The following PTN variants were observed in gnomAD, a reference collection of about 807,000 sequenced individuals.
The protein encoded by PTN is heparin affin regulatory protein.
Under a neutral mutation model 24.1 loss-of-function variants are expected in PTN, and 18 were observed. The observed-to-expected ratio is 0.75, with a 90% CI of 0.52 to 1.11. The LOEUF (loss-of-function observed/expected upper bound fraction) is 1.11, where lower values mean the gene tolerates loss of function less well. Among genes scored for constraint, PTN ranks in the 50% least tolerant of loss-of-function variants. The pLI is 0.00. For missense variants in PTN, 163 were observed against 198.8 expected (o/e 0.82, Z 1.08); for synonymous variants, 78 against 68.6 (o/e 1.14, Z -0.67).
chr7:137,297,276 T>C (rs1191730753), intron 1 of PTN, among the ~76,000 whole-genome samples: 2 of 152,140 alleles, frequency 1.3e-5, no homozygotes, highest in South Asian at 2.1e-4. Flanking sequence ...TAAAGGGGCA[T>C]AGGCCATTGC....
chr7:137,338,873 A>C (rs1810489872), intron 1 of PTN, among the ~76,000 whole-genome samples: 1 of 152,140 alleles, frequency 6.6e-6, no homozygotes, highest in Non-Finnish European at 1.5e-5. Context: ...CATTAGAGAG[A>C]ATCTTCCTTC....
intron 3 of PTN, 95 bp downstream of exon 3, chr7:137,253,369 T>G (rs1237992475): frequency 7.6e-7 from 1 of 1,307,314 alleles, no homozygotes; most frequent in Non-Finnish European, 1.0e-6. Context: ...TAAAGTTATT[T>G]AAAATAAAAA....
rs763594002 is a variant in PTN, at chr7:137,280,470, C to T, written c.-1-25496G>A. On this transcript the variant is annotated intron_variant, in intron 1 of 4. Coordinates refer to ENST00000348225, the MANE Select transcript of PTN (RefSeq NM_002825.7). Reference sequence around the variant, plus strand: ...AAGGACTGAAGAAGTAAGCAAGAGGCGAGAATTCTAGTTATATAAGTGAAT... The same window carrying T: ...AAGGACTGAAGAAGTAAGCAAGAGGTGAGAATTCTAGTTATATAAGTGAAT... Among the ~76,000 whole-genome samples, 52 of 151,170 alleles carry T rather than the reference C, an allele frequency of 3.4e-4. 1 individual carries two copies. The highest frequency in any genetic ancestry group is 2.2e-4 in the Non-Finnish European group (15 of 67,892).
At chr7:137,234,655 T>A (rs1433017873) in intron 4 of PTN, among the ~76,000 whole-genome samples, 1 of 152,044 alleles carries the variant, frequency 6.6e-6, no homozygotes, top group Non-Finnish European at 1.5e-5. Flanking sequence ...AAGACATCTG[T>A]TTAAAGATTG....
intron 4 of PTN, chr7:137,236,139 C>T (rs1585004563): frequency 1.4e-6 from 1 of 700,976 alleles, no homozygotes; most frequent in East Asian, 2.7e-5. Flanking sequence ...TTCAAATCAA[C>T]TCACCAGTTG....
At position 137,300,293 on chromosome 7, in the gene PTN, AT is replaced by A. The variant is rs1809786327; in HGVS notation, c.-2+43145del. The stretch of plus-strand genomic sequence containing the variant: ...CGTAATTTGAGAAGCATAAAAATTC[AT>A]CAGCTATTTCAAATGAACTTAATTT... On this transcript the variant is annotated intron_variant, in intron 1 of 4. Coordinates refer to ENST00000348225, the MANE Select transcript of PTN (RefSeq NM_002825.7). 2.0e-5 allele frequency among the ~76,000 whole-genome samples: 3 copies of A among 152,150 alleles called. No homozygotes were observed. The South Asian group carries it at 6.2e-4, about 32-fold the overall frequency.
chr7:137,234,333 A>G (rs1027516564), intron 4 of PTN, among the ~76,000 whole-genome samples: 27 of 152,014 alleles, frequency 1.8e-4, no homozygotes, highest in African/African-American at 5.8e-4. Flanking sequence ...TTGCCTTAGT[A>G]TAGATTATTA....
At chr7:137,285,959 TAC>T (rs1359138749) in intron 1 of PTN, among the ~76,000 whole-genome samples, 1 of 152,242 alleles carries the variant, frequency 6.6e-6, no homozygotes, top group African/African-American at 2.4e-5. Flanking sequence ...ATGTATATTC[TAC>T]AGTCTTGGTT....
At chr7:137,257,894 A>G (rs1808962897) in intron 1 of PTN, among the ~76,000 whole-genome samples, 1 of 152,180 alleles carries the variant, frequency 6.6e-6, no homozygotes. Context: ...AAGAGAGGCC[A>G]GAAGCACCTC....
intron 4 of PTN, among the ~76,000 whole-genome samples, chr7:137,247,548 G>A (rs1238341659): frequency 6.6e-6 from 1 of 151,956 alleles, no homozygotes; most frequent in African/African-American, 2.4e-5. Flanking sequence ...GATGGTTAAT[G>A]GGTACAAAAA....
chr7:137,251,046 C>T (rs1808816938), intron 4 of PTN, among the ~76,000 whole-genome samples, 184 bp downstream of exon 4: 1 of 152,172 alleles, frequency 6.6e-6, no homozygotes, highest in South Asian at 2.1e-4. Context: ...CTTCAATTTG[C>T]ACTCACAGGC....
chr7:137,257,198 C>T (rs1340976616), intron 1 of PTN, among the ~76,000 whole-genome samples: 1 of 152,180 alleles, frequency 6.6e-6, no homozygotes, highest in Non-Finnish European at 1.5e-5. Flanking sequence ...AGATTAGCTA[C>T]TCACCATCTC....
At chr7:137,342,521 G>C (rs1004126322) in intron 1 of PTN, among the ~76,000 whole-genome samples, 1 of 80,950 alleles carries the variant, frequency 1.2e-5, no homozygotes, top group African/African-American at 3.3e-5. Context: ...CTGCATGTGT[G>C]TGTTCCTGTG....
chr7:137,324,944 T>A (rs914121173), intron 1 of PTN: 1 of 152,190 alleles, frequency 6.6e-6, no homozygotes, highest in East Asian at 1.9e-4. Context: ...TTTCAGAGTA[T>A]GAAACAGAGT....
At chr7:137,300,755 C>G (rs539443193) in intron 1 of PTN, among the ~76,000 whole-genome samples, 1 of 152,038 alleles carries the variant, frequency 6.6e-6, no homozygotes, top group African/African-American at 2.4e-5. Flanking sequence ...GTCTCAAATT[C>G]TCTTCACAGA....
Position 137,343,472 on chromosome 7 carries a change from C to A in PTN, c.-35G>T, listed in dbSNP as rs573385035. ...GGAAACGTCCTCTCTGGCGCTCAGT[C>A]TGCCTTTGTTGCAAGGGGCGAGGTT... is the stretch of plus-strand genomic sequence containing the variant. On this transcript the variant is annotated 5_prime_UTR_variant, in exon 1 of 5. Transcript: ENST00000348225. The A allele has an allele frequency of 1.9e-6, 1 of 518,468 alleles. No individual in the cohort carries two copies. The highest frequency in any genetic ancestry group is 1.9e-5 in the African/African-American group (1 of 51,942). 32.1% of individuals were successfully genotyped at this position (518,468 alleles called of 1,614,324 possible).
chr7:137,230,733 C>G (rs1181333485), intron 4 of PTN, among the ~76,000 whole-genome samples: 1 of 151,764 alleles, frequency 6.6e-6, no homozygotes, highest in East Asian at 1.9e-4. Context: ...CAATCTTTAC[C>G]TAGTATACAT....
At position 137,328,965 on chromosome 7, in the gene PTN, C is replaced by T. The variant is rs1431769850; in HGVS notation, c.-2+14474G>A. 2.0e-5 allele frequency among the ~76,000 whole-genome samples: 3 copies of T among 152,124 alleles called. No individual in the cohort carries two copies. In the South Asian group the frequency reaches 6.2e-4, roughly 31 times the overall value. On this transcript the variant is annotated intron_variant, in intron 1 of 4. Coordinates refer to ENST00000348225, the MANE Select transcript of PTN (RefSeq NM_002825.7). ...AATATCTTCAAATACTCACTGGACC[C>T]TTGACATTGAATAGGGGAATGGAGG...
intron 1 of PTN, among the ~76,000 whole-genome samples, chr7:137,291,162 T>TA (rs1180145449): frequency 1.3e-5 from 2 of 152,192 alleles, no homozygotes. Flanking sequence ...GCCATTTGTT[T>TA]AAAAAAAGTA....
Sources: gnomAD v4.1 joint callset for allele counts (sites outside exome capture counted in the v4.1 genomes callset) on GRCh38, gnomAD v4.1.1 for gene constraint, MANE v1.5 for transcripts, NCBI Gene and HGNC (gene_info 2026-07-23, HGNC 2026-07-21) for gene names.